Variants in SLC13A3 observed in about 807,000 individuals in gnomAD.
SLC13A3 encodes solute carrier family 13 member 3.
Under a neutral mutation model 59.0 loss-of-function variants are expected in SLC13A3, and 40 were observed. The ratio of observed to expected loss-of-function variants is 0.68; its 90% CI spans 0.53 to 0.88. SLC13A3 has a LOEUF of 0.88. SLC13A3 is among the 40% of genes least tolerant of loss of function. SLC13A3 has a pLI of 0.00. For synonymous variants in SLC13A3, 317 were observed against 330.3 expected, an observed-to-expected ratio of 0.96 and a Z score of 0.44; for missense variants, 699 against 783.2, an observed-to-expected ratio of 0.89 and a Z score of 1.28.
In SLC13A3 at chr20:46,613,073, G is replaced by T. The variant is rs546572432; in HGVS notation, c.377+387C>A. Among the ~76,000 whole-genome samples, 20 of 151,892 alleles carry T rather than the reference G, an allele frequency of 1.3e-4. No homozygotes were observed. In the South Asian group the frequency reaches 4.1e-3, roughly 31 times the overall value. On this transcript the variant is annotated intron_variant, in intron 2 of 12. Coordinates refer to ENST00000279027, the MANE Select transcript of SLC13A3 (RefSeq NM_022829.6). ...ATCACTATTTCACAGGCAGACAGAG[G>T]TTAAGTTATTTTTCAGAGCAGGTCA...
intron 1 of SLC13A3, among the ~76,000 whole-genome samples, chr20:46,682,655 G>C (rs542717881): frequency 3.3e-5 from 5 of 152,264 alleles, no homozygotes; most frequent in African/African-American, 9.6e-5. Context: ...TTAATGCATG[G>C]AAAGAACGTA....
At chr20:46,659,715 C>CA (rs1555884139) in intron 1 of SLC13A3, among the ~76,000 whole-genome samples, 5 of 144,994 alleles carry the variant, frequency 3.4e-5, no homozygotes, top group African/African-American at 1.4e-4. Context: ...GACCCTATCC[C>CA]CCCCCCCCAA....
intron 10 of SLC13A3, among the ~76,000 whole-genome samples, chr20:46,569,197 G>A (rs1291631382): frequency 6.6e-6 from 1 of 151,790 alleles, no homozygotes; most frequent in Non-Finnish European, 1.5e-5. Flanking sequence ...TTACTATGTT[G>A]CCCAGGCTGG....
At chr20:46,583,864 G>A in intron 8 of SLC13A3, 195 bp from the exon 9 acceptor site, 1 of 985,380 alleles carries the variant, frequency 1.0e-6, no homozygotes, top group Non-Finnish European at 1.2e-6. Flanking sequence ...GCTCCCTGGG[G>A]GCATTTAGAT....
intron 12 of SLC13A3, among the ~76,000 whole-genome samples, chr20:46,563,204 A>T (rs1246925712): frequency 9.9e-5 from 15 of 152,214 alleles, no homozygotes; most frequent in Admixed American, 9.8e-4. Flanking sequence ...TTTGGAAAGT[A>T]GTCACTAAGG....
intron 3 of SLC13A3, among the ~76,000 whole-genome samples, chr20:46,607,711 G>C (rs1451169695): frequency 1.3e-5 from 2 of 152,100 alleles, no homozygotes; most frequent in African/African-American, 4.8e-5. Flanking sequence ...TCATTTGCTT[G>C]ACCACTTTGG....
At chr20:46,645,174 C>T (rs2062882456) in intron 1 of SLC13A3, among the ~76,000 whole-genome samples, 1 of 152,162 alleles carries the variant, frequency 6.6e-6, no homozygotes, top group Non-Finnish European at 1.5e-5. Flanking sequence ...TTCCATCATC[C>T]TATTACCTTC....
chr20:46,609,087 G>A, intron 3 of SLC13A3: 1 of 1,545,844 alleles, frequency 6.5e-7, no homozygotes, highest in Non-Finnish European at 8.7e-7. Flanking sequence ...ATCAATGCCG[G>A]GGTTAAACTA....
chr20:46,576,733 G>A (rs1568915351), intron 9 of SLC13A3, among the ~76,000 whole-genome samples: 1 of 152,156 alleles, frequency 6.6e-6, no homozygotes, highest in Non-Finnish European at 1.5e-5. Context: ...CAGGGAGGAT[G>A]GGTCTGACTC....
Position 46,558,866 on chromosome 20 carries a change from C to A in SLC13A3, c.*1156G>T, listed in dbSNP as rs10218. ...CCATTCAGCAGACACTTCCTGAGGG[C>A]CTGAGCTCTTCACTGGGATGCCAGA... On this transcript the variant is annotated 3_prime_UTR_variant, in exon 13 of 13. Coordinates refer to ENST00000279027, the MANE Select transcript of SLC13A3 (RefSeq NM_022829.6). 0.28 allele frequency: 42,229 copies of A among 151,508 alleles called. 6,602 individuals are homozygous for A. The highest frequency in any genetic ancestry group is 0.34 in the Non-Finnish European group (22,974 of 67,922). 9.4% of individuals were successfully genotyped at this position (151,508 alleles called of 1,614,324 possible).
intron 11 of SLC13A3, among the ~76,000 whole-genome samples, chr20:46,565,560 G>A (rs1353089442): frequency 6.6e-6 from 1 of 152,200 alleles, no homozygotes; most frequent in African/African-American, 2.4e-5. Flanking sequence ...CTGAGCTCAA[G>A]CAATCTGCCT....
At chr20:46,680,671 C>T (rs1233840561) in intron 1 of SLC13A3, among the ~76,000 whole-genome samples, 1 of 152,252 alleles carries the variant, frequency 6.6e-6, no homozygotes, top group East Asian at 1.9e-4. Flanking sequence ...CTCTGAAGAG[C>T]CATTTCAACT....
chr20:46,644,110 G>C (rs1273664934), intron 1 of SLC13A3, among the ~76,000 whole-genome samples: 3 of 152,184 alleles, frequency 2.0e-5, no homozygotes, highest in African/African-American at 7.2e-5. Flanking sequence ...TGGAGAGGGG[G>C]ATGGAAGTGC....
At chr20:46,597,727 G>A (rs770380666) in intron 4 of SLC13A3, among the ~76,000 whole-genome samples, 2 of 152,132 alleles carry the variant, frequency 1.3e-5, no homozygotes, top group Non-Finnish European at 2.9e-5. Flanking sequence ...ATAAGCCACC[G>A]CGGTAAAAAT....
rs1325432023 is a variant in SLC13A3, at chr20:46,651,453, C to T, written c.-32G>A. 1.4e-5 allele frequency: 19 copies of T among 1,363,768 alleles called. No homozygotes were observed. Among genetic ancestry groups the T allele is most frequent in the Middle Eastern group, 2.7e-4 (1 of 3,712 alleles). 84.5% of individuals were successfully genotyped at this position (1,363,768 alleles called of 1,614,324 possible). ...GATCGCCTGGCGGTACGGGCCGGCC[C>T]GGGACTGCCCCGCCTGGCCCCGGCG... On this transcript the variant is annotated 5_prime_UTR_variant, in exon 1 of 13. Transcript: ENST00000279027.
chr20:46,649,465 G>T (rs1462117253), intron 1 of SLC13A3, among the ~76,000 whole-genome samples: 1 of 152,168 alleles, frequency 6.6e-6, no homozygotes, highest in East Asian at 1.9e-4. Flanking sequence ...AGAGAACAGA[G>T]CAGAGAGAAG....
At chr20:46,585,840 A>G (rs540171611) in intron 8 of SLC13A3, 10 of 1,225,230 alleles carry the variant, frequency 8.2e-6, no homozygotes, top group Middle Eastern at 2.5e-4. Flanking sequence ...TTTCTTGCTT[A>G]TAACAACCTT....
intron 4 of SLC13A3, among the ~76,000 whole-genome samples, chr20:46,597,704 T>G (rs2062328652): frequency 6.6e-6 from 1 of 152,218 alleles, no homozygotes; most frequent in Non-Finnish European, 1.5e-5. Flanking sequence ...CCCAAAGTAC[T>G]GGGATTACAG....
At chr20:46,656,761 C>T (rs961786924) in intron 1 of SLC13A3, among the ~76,000 whole-genome samples, 3 of 151,796 alleles carry the variant, frequency 2.0e-5, no homozygotes, top group African/African-American at 7.3e-5. Context: ...CAGATGTTAG[C>T]TCTTTTGCTG....
Sources: allele counts gnomAD v4.1 joint callset (sites outside exome capture counted in the v4.1 genomes callset), GRCh38; gene constraint gnomAD v4.1.1; transcripts MANE v1.5; gene names NCBI Gene and HGNC (gene_info 2026-07-23, HGNC 2026-07-21).